The following ATP2A2 variants were observed in gnomAD, a reference collection of about 807,000 sequenced individuals.
ATP2A2 encodes ATPase sarcoplasmic/endoplasmic reticulum Ca2+ transporting 2.
ATP2A2 carries 14 observed loss-of-function variants against 109.3 expected under a neutral mutation model. The observed-to-expected ratio is 0.13, with a 90% confidence interval of 0.08 to 0.20. ATP2A2 has a LOEUF of 0.20. ATP2A2 is among the 10% of genes least tolerant of loss of function. The probability of loss-of-function intolerance (pLI) is 1.00; values close to 1 mark genes in which losing one functional copy is unlikely to be tolerated. For synonymous variants in ATP2A2, 506 were observed against 490.9 expected (o/e 1.03, Z -0.41); for missense variants, 657 against 1,321.6 (o/e 0.50, Z 7.80).
intron 5 of ATP2A2, among the ~76,000 whole-genome samples, chr12:110,303,332 A>G (rs1199276698): frequency 6.6e-6 from 1 of 151,944 alleles, no homozygotes; most frequent in African/African-American, 2.4e-5. Context: ...GTTTCAAGTG[A>G]TTCTCCTGCT....
At chr12:110,344,438 C>T (rs916105163) in intron 16 of ATP2A2, among the ~76,000 whole-genome samples, 2 of 152,138 alleles carry the variant, frequency 1.3e-5, no homozygotes, top group Non-Finnish European at 2.9e-5. Flanking sequence ...TAGAAAACTG[C>T]TGCTGGGCCT....
intron 5 of ATP2A2, among the ~76,000 whole-genome samples, chr12:110,299,146 A>AT (rs1592806819): frequency 6.6e-6 from 1 of 151,824 alleles, no homozygotes; most frequent in African/African-American, 2.4e-5. Flanking sequence ...TAAGTTTTGT[A>AT]TTTTTTTGTA....
At chr12:110,313,180 ACCT>A (rs1876275434) in intron 5 of ATP2A2, among the ~76,000 whole-genome samples, 1 of 151,614 alleles carries the variant, frequency 6.6e-6, no homozygotes, top group Admixed American at 6.6e-5. Flanking sequence ...TCCTGTAATC[ACCT>A]CCTCTCTACT....
chr12:110,347,575 T>G lies in ATP2A2; in HGVS notation c.*1105T>G. The stretch of plus-strand genomic sequence containing the variant: ...ACATAAGGGCAAGTGTGTATGTGTG[T>G]GTATGTGTGTGTTTTGTAAAATCTG... On this transcript the variant is annotated 3_prime_UTR_variant, in exon 20 of 20. Coordinates refer to ENST00000539276, the MANE Select transcript of ATP2A2 (RefSeq NM_170665.4). The G allele has an allele frequency of 8.0e-7, 1 of 1,252,786 alleles. No individual in the cohort carries two copies. Among genetic ancestry groups the G allele is most frequent in the Non-Finnish European group, 1.0e-6 (1 of 967,670 alleles). 77.6% of individuals were successfully genotyped at this position (1,252,786 alleles called of 1,614,324 possible).
intron 3 of ATP2A2, among the ~76,000 whole-genome samples, chr12:110,284,753 G>A (rs893767000): frequency 6.6e-6 from 1 of 152,156 alleles, no homozygotes; most frequent in Non-Finnish European, 1.5e-5. Context: ...TACTGCTCAG[G>A]AAATGAACTG....
rs2137881448 is a variant in ATP2A2, at chr12:110,348,040, A to G, written c.*1570A>G. 3.0e-6 allele frequency: 3 copies of G among 986,648 alleles called. No homozygotes were observed. In the South Asian group the frequency reaches 1.4e-4, roughly 46 times the overall value. 61.1% of individuals were successfully genotyped at this position (986,648 alleles called of 1,614,324 possible). ...AGGACAAGATGACCAGGAGGGCCCA[A>G]GCCAGACAAAAGCCGGAGTGGGGAG... On this transcript the variant is annotated 3_prime_UTR_variant, in exon 20 of 20. Coordinates refer to ENST00000539276, the MANE Select transcript of ATP2A2 (RefSeq NM_170665.4).
Position 110,348,009 on chromosome 12 carries a change from C to T in ATP2A2, c.*1539C>T. On this transcript the variant is annotated 3_prime_UTR_variant, in exon 20 of 20. Transcript: ENST00000539276. ...TGTGGCTTTCATAGACCTCCACAGG[C>T]TGCCTAGGACAAGATGACCAGGAGG... 1 of 987,636 alleles carries T rather than the reference C, an allele frequency of 1.0e-6. No homozygotes were observed. Among genetic ancestry groups the T allele is most frequent in the Non-Finnish European group, 1.2e-6 (1 of 831,362 alleles). The allele number at this position is 987,636 out of a possible 1,614,324, so 61.2% of individuals were successfully genotyped here.
chr12:110,295,721 A>G (rs868233453), intron 4 of ATP2A2, among the ~76,000 whole-genome samples: 3 of 152,170 alleles, frequency 2.0e-5, no homozygotes, highest in African/African-American at 7.2e-5. Flanking sequence ...TGATTCTACA[A>G]CTTCCATTCT....
intron 5 of ATP2A2, among the ~76,000 whole-genome samples, chr12:110,313,604 C>T (rs1419126718): frequency 2.7e-5 from 4 of 150,498 alleles, no homozygotes; most frequent in African/African-American, 7.3e-5. Context: ...TGTGAGCCAC[C>T]GCTGCTGGCC....
chr12:110,308,449 CTT>C (rs1025466291), intron 5 of ATP2A2, among the ~76,000 whole-genome samples: 3 of 152,116 alleles, frequency 2.0e-5, no homozygotes, highest in African/African-American at 7.2e-5. Flanking sequence ...TGTTTGTAAA[CTT>C]ATATGCAAAT....
At chr12:110,318,634 C>T (rs1251223942) in intron 5 of ATP2A2, among the ~76,000 whole-genome samples, 4 of 152,082 alleles carry the variant, frequency 2.6e-5, no homozygotes, top group Non-Finnish European at 5.9e-5. Context: ...CCACCACACC[C>T]GGCTAATTTT....
At chr12:110,310,470 A>C (rs1161487254) in intron 5 of ATP2A2, among the ~76,000 whole-genome samples, 1 of 152,186 alleles carries the variant, frequency 6.6e-6, no homozygotes, top group Non-Finnish European at 1.5e-5. Context: ...TATATGCCGC[A>C]GGGGTTATTT....
chr12:110,289,496 A>G (rs1873033911), intron 3 of ATP2A2, among the ~76,000 whole-genome samples: 3 of 152,280 alleles, frequency 2.0e-5, no homozygotes, highest in Admixed American at 2.0e-4. Context: ...TGTTTGCCCT[A>G]GCTCACTGGA....
rs965722540 is a variant in ATP2A2 at position 110,347,238 on chromosome 12, A to G, written c.*768A>G. The G allele has an allele frequency of 1.6e-6, 2 of 1,212,820 alleles. No individual in the cohort carries two copies. The highest frequency in any genetic ancestry group is 1.5e-5 in the South Asian group (1 of 67,134). The allele number at this position is 1,212,820 out of a possible 1,614,324, so 75.1% of individuals were successfully genotyped here. The stretch of plus-strand genomic sequence containing the variant: ...AATGTCTAATGTATTTTATTGTAAC[A>G]GACATTGTTTTGCCAACATTGCCTA... On this transcript the variant is annotated 3_prime_UTR_variant, in exon 20 of 20. Transcript: ENST00000539276.
At chr12:110,303,182 G>A (rs1333538097) in intron 5 of ATP2A2, among the ~76,000 whole-genome samples, 1 of 152,208 alleles carries the variant, frequency 6.6e-6, no homozygotes, top group Non-Finnish European at 1.5e-5. Context: ...CATAGTTGCT[G>A]TGCAGAACAA....
Position 110,342,434 on chromosome 12 carries a change from C to T in ATP2A2, c.2304C>T (p.Val768=), listed in dbSNP as rs367761832. 9.9e-6 allele frequency: 16 copies of T among 1,613,670 alleles called. No homozygotes were observed. Among genetic ancestry groups the T allele is most frequent in the Middle Eastern group, 3.5e-4 (2 of 5,638 alleles). The part of the protein sequence containing the change: ...QFIRYLISSN[V]GEVVCIFLTA... Reference sequence around the variant, plus strand: ...TCCGCTACCTCATCTCGTCCAACGTCGGGGAAGTTGTCTGGTAGGTCTCTG... The same window carrying T: ...TCCGCTACCTCATCTCGTCCAACGTTGGGGAAGTTGTCTGGTAGGTCTCTG... The change falls in exon 15 of 20, where the codon GTC becomes GTT. Residue 768 remains valine (V), a synonymous_variant. Transcript: ENST00000539276. The surrounding 1 kb of genome is among the most constrained non-coding windows in gnomAD (Gnocchi z 4.6).
intron 8 of ATP2A2, among the ~76,000 whole-genome samples, chr12:110,328,732 G>A (rs763147854): frequency 7.2e-5 from 11 of 151,850 alleles, no homozygotes; most frequent in Non-Finnish European, 1.6e-4. Context: ...TGCCCCACTA[G>A]TTTTTTTATT....
intron 6 of ATP2A2, among the ~76,000 whole-genome samples, chr12:110,324,819 A>G (rs902231816): frequency 6.6e-6 from 1 of 151,676 alleles, no homozygotes; most frequent in Non-Finnish European, 1.5e-5. Context: ...TAGTCTCTAT[A>G]ATGAAAATCT....
intron 9 of ATP2A2, 97 bp downstream of exon 9, chr12:110,332,782 A>C (rs1462693136): frequency 1.8e-6 from 2 of 1,122,276 alleles, no homozygotes; most frequent in African/African-American, 1.5e-5. Context: ...AGCTTTCTGA[A>C]TGTGGCTCAA....
Sources: allele counts gnomAD v4.1 joint callset (sites outside exome capture counted in the v4.1 genomes callset), GRCh38; gene constraint gnomAD v4.1.1; non-coding constraint Gnocchi (gnomAD v3.1); transcripts MANE v1.5; gene names NCBI Gene and HGNC (gene_info 2026-07-23, HGNC 2026-07-21).